Variants in MAP4 observed in about 807,000 individuals in gnomAD.
MAP4 encodes the protein microtubule associated protein 4, also known as microtubule-associated protein 4.
MAP4 carries 76 observed loss-of-function variants against 170.2 expected under a neutral mutation model. The ratio of observed to expected loss-of-function variants is 0.45; its 90% CI spans 0.37 to 0.54. MAP4 has a LOEUF of 0.54. MAP4 is among the 20% of genes least tolerant of loss of function. MAP4 has a pLI of 0.00. For synonymous variants in MAP4, 909 were observed against 994.5 expected (o/e 0.91, Z 1.62); for missense variants, 2,506 against 2,748.0 (o/e 0.91, Z 1.97).
At chr3:47,933,045 G>A (rs1654764925) in intron 3 of MAP4, among the ~76,000 whole-genome samples, 1 of 152,132 alleles carries the variant, frequency 6.6e-6, no homozygotes, top group African/African-American at 2.4e-5. Context: ...TGGGACTACA[G>A]GTGCATGCCA....
rs568216720 is a variant in MAP4 at position 47,973,658 on chromosome 3, C to T, written c.292+4207G>A. 8 of 985,354 alleles carry T rather than the reference C, an allele frequency of 8.1e-6. No individual in the cohort carries two copies. The African/African-American group carries it at 1.2e-4, about 15-fold the overall frequency. The allele number at this position is 985,354 out of a possible 1,614,324, so 61.0% of individuals were successfully genotyped here. ...GTCAATCATGAAGTGTGAGTGTACA[C>T]AACGGAAAGTCATACCCAGGCTTCT... On this transcript the variant is annotated intron_variant, in intron 3 of 20. Coordinates refer to ENST00000683076, the MANE Select transcript of MAP4 (RefSeq NM_001385682.1).
At chr3:47,881,653 A>G (rs1194322637) in intron 10 of MAP4, among the ~76,000 whole-genome samples, 1 of 150,326 alleles carries the variant, frequency 6.7e-6, no homozygotes, top group African/African-American at 2.4e-5. Flanking sequence ...TCTTTTTAAG[A>G]CAGGTGTGAT....
rs1559453477 is a variant in MAP4, at chr3:47,916,840, A to C, written c.987T>G (p.Ser329=). 4 of 1,614,166 alleles carry C rather than the reference A, an allele frequency of 2.5e-6. No individual in the cohort carries two copies. Among genetic ancestry groups the C allele is most frequent in the Non-Finnish European group, 3.4e-6 (4 of 1,180,032 alleles). The change falls in exon 7 of 21, where the codon TCT becomes TCG. Residue 329 remains serine (S), a synonymous_variant. Coordinates refer to ENST00000683076, the MANE Select transcript of MAP4 (RefSeq NM_001385682.1). The part of the protein sequence containing the change: ...DVRWPTETDV[S]SAKNVVLPTE... ...TGGGCAGTACCACATTCTTGGCTGA[A>C]GATACATCTGTTTCTGTGGGCCATC...
chr3:47,870,920 G>T lies in MAP4; in HGVS notation c.6187C>A (p.Pro2063Thr), dbSNP rs964106483. The change falls in exon 15 of 21, where the codon CCC becomes ACC. Residue 2063 changes from proline (P) to threonine (T), a missense_variant. Pro to Thr is a conservative substitution (Grantham distance 38). Coordinates refer to ENST00000683076, the MANE Select transcript of MAP4 (RefSeq NM_001385682.1). ...TTGGTGGCCAGGCGGCTGAGCCGGG[G>T]GGTGGTGGAGCTGGGTTTGGCCGAG... Reference protein sequence around the residue: ...PTSAKPSSTTPRLSRLATNTS... With the variant: ...PTSAKPSSTTTRLSRLATNTS... The T allele has an allele frequency of 2.5e-6, 4 of 1,613,994 alleles. No individual in the cohort carries two copies. In the African/African-American group the frequency reaches 5.3e-5, roughly 22 times the overall value.
At chr3:47,990,839 T>A (rs1222925535) in intron 2 of MAP4, among the ~76,000 whole-genome samples, 1 of 4,096 alleles carries the variant, frequency 2.4e-4, no homozygotes, top group Admixed American at 8.8e-3. Flanking sequence ...TAATTTTCTT[T>A]TTATTTTTTT....
In MAP4 at chr3:47,998,827, C is replaced by T. The variant is rs200948355; in HGVS notation, c.34G>A (p.Glu12Lys). Residue 12 changes from glutamate (E) to lysine (K), a missense_variant, in exon 2 of 21, where the codon GAA becomes AAA. Glu to Lys is a moderately conservative substitution (Grantham distance 56, BLOSUM62 1). Transcript: ENST00000683076. ...TCTCCCTCAATGTCTGGAGATGGTT[C>T]TGTTAATGCATCTGCAAGACTGAGG... ...ADLSLADALT[E>K]PSPDIEGEIK... The T allele has an allele frequency of 1.7e-5, 28 of 1,614,036 alleles. No individual in the cohort carries two copies. Among genetic ancestry groups the T allele is most frequent in the Non-Finnish European group, 1.0e-5 (12 of 1,180,012 alleles).
chr3:47,997,324 G>T (rs1172930347), intron 2 of MAP4, among the ~76,000 whole-genome samples: 2 of 43,358 alleles, frequency 4.6e-5, no homozygotes, highest in Admixed American at 2.6e-4. Flanking sequence ...TATTTAAACT[G>T]CTAAAAAAAA....
In MAP4 at chr3:48,063,026, T is replaced by C. The variant is rs1026126956; in HGVS notation, c.-20+25747A>G. Among the ~76,000 whole-genome samples, 15 of 151,246 alleles carry C rather than the reference T, an allele frequency of 9.9e-5. No homozygotes were observed. In the East Asian group the frequency reaches 2.9e-3, roughly 29 times the overall value. On this transcript the variant is annotated intron_variant, in intron 1 of 18. Transcript: ENST00000360240. ...ACGATATACGAATGGCAAATAAGCA[T>C]ATGAACGAAAAGATGTTCAATAACA...
chr3:48,053,860 T>C (rs927424708), intron 1 of MAP4, among the ~76,000 whole-genome samples: 4 of 152,218 alleles, frequency 2.6e-5, no homozygotes, highest in African/African-American at 4.8e-5. Context: ...TATATAGTTC[T>C]TATTTTCACA....
At chr3:47,857,345 C>T (rs1457047099) in intron 18 of MAP4, 86 bp downstream of exon 18, 20 of 1,066,344 alleles carry the variant, frequency 1.9e-5, no homozygotes, top group African/African-American at 3.1e-5. Context: ...AGAGATGAAA[C>T]CCTTGCCAGC....
At chr3:48,022,854 G>C (rs1035811302) in intron 1 of MAP4, among the ~76,000 whole-genome samples, 1 of 152,050 alleles carries the variant, frequency 6.6e-6, no homozygotes, top group Non-Finnish European at 1.5e-5. Context: ...TTGCGCCACG[G>C]CACTCCAGCC....
At chr3:47,923,684 C>T (rs1418613504) in intron 4 of MAP4, among the ~76,000 whole-genome samples, 1 of 148,986 alleles carries the variant, frequency 6.7e-6, no homozygotes, top group African/African-American at 2.5e-5. Context: ...GGCATGGTAG[C>T]GCATGCCTGC....
intron 1 of MAP4, among the ~76,000 whole-genome samples, chr3:48,077,830 A>G (rs2100144726): frequency 6.6e-6 from 1 of 152,238 alleles, no homozygotes; most frequent in South Asian, 2.1e-4. Context: ...CATTATATCC[A>G]TGTAATGTAA....
chr3:47,892,111 G>C (rs756953166), intron 10 of MAP4: 2 of 1,536,090 alleles, frequency 1.3e-6, no homozygotes, highest in Non-Finnish European at 8.7e-7. Flanking sequence ...GATGGAACTC[G>C]GAGGTCTTCT....
chr3:48,041,055 A>G lies in MAP4; in HGVS notation c.-19-42176T>C, dbSNP rs116017811. ...CCTGCGTCAACAATCCAAAAATGATATTAAGAAAACAATTCTGCTTAAAAT... is the reference window on the plus strand; with the variant it reads ...CCTGCGTCAACAATCCAAAAATGATGTTAAGAAAACAATTCTGCTTAAAAT... On this transcript the variant is annotated intron_variant, in intron 1 of 18. Coordinates refer to the MAP4 transcript ENST00000360240. Among the ~76,000 whole-genome samples, 614 of 152,318 alleles carry G rather than the reference A, an allele frequency of 4.0e-3. 6 individuals carry two copies. The highest frequency in any genetic ancestry group is 0.014 in the African/African-American group (595 of 41,564).
intron 1 of MAP4, among the ~76,000 whole-genome samples, chr3:48,006,163 C>T (rs776074568): frequency 2.6e-5 from 4 of 152,170 alleles, no homozygotes; most frequent in Admixed American, 6.5e-5. Flanking sequence ...GCCCCTCACT[C>T]AATCCATTTC....
At position 47,872,088 on chromosome 3, in the gene MAP4, C is replaced by T; in HGVS notation, c.5770G>A (p.Ala1924Thr). The T allele has an allele frequency of 6.2e-7, 1 of 1,611,316 alleles. No individual in the cohort carries two copies. Among genetic ancestry groups the T allele is most frequent in the Non-Finnish European group, 8.5e-7 (1 of 1,178,606 alleles). ...GAGGCCCGCTTCTCAGGAGCCTTTG[C>T]ATCTGCAATGGGCTGGAAATAGGAA... ...KDVKPKPIAD[A>T]KAPEKRASPS... is the part of the protein sequence containing the mutation. The change falls in exon 13 of 21, where the codon GCA (alanine) becomes ACA (threonine). Residue 1924 changes from alanine (A) to threonine (T), a missense_variant. Coordinates refer to ENST00000683076, the MANE Select transcript of MAP4 (RefSeq NM_001385682.1).
At chr3:48,059,412 G>A (rs2100133948) in intron 1 of MAP4, among the ~76,000 whole-genome samples, 1 of 151,132 alleles carries the variant, frequency 6.6e-6, no homozygotes, top group South Asian at 2.1e-4. Context: ...CTACCTGGGA[G>A]GCTGAGGCAT....
intron 1 of MAP4, among the ~76,000 whole-genome samples, chr3:48,082,583 C>A (rs553726351): frequency 6.6e-6 from 1 of 152,284 alleles, no homozygotes; most frequent in East Asian, 1.9e-4. Flanking sequence ...CGGTGGACTG[C>A]ATGAGGCCAG....
Sources: gnomAD v4.1 joint callset for allele counts (sites outside exome capture counted in the v4.1 genomes callset) on GRCh38, gnomAD v4.1.1 for gene constraint, MANE v1.5 for transcripts, NCBI Gene and HGNC (gene_info 2026-07-23, HGNC 2026-07-21) for gene names.